Variants in SRGAP3 observed in about 807,000 individuals in gnomAD.
SRGAP3 encodes SLIT-ROBO Rho GTPase-activating protein 3.
A neutral mutation model predicts 121.1 loss-of-function variants in SRGAP3; 39 were observed. The observed-to-expected ratio is 0.32, with a 90% confidence interval of 0.25 to 0.42. SRGAP3 has a LOEUF of 0.42. SRGAP3 is among the 10% of genes least tolerant of loss of function. The pLI, the probability that SRGAP3 is intolerant of heterozygous loss-of-function variation, is 1.00. For missense variants in SRGAP3, 1,213 were observed against 1,470.6 expected, an observed-to-expected ratio of 0.82 and a Z score of 2.86; for synonymous variants, 601 against 570.0, an observed-to-expected ratio of 1.05 and a Z score of -0.77.
At chr3:9,057,441 C>G (rs1231309628) in intron 7 of SRGAP3, among the ~76,000 whole-genome samples, 1 of 152,234 alleles carries the variant, frequency 6.6e-6, no homozygotes, top group East Asian at 1.9e-4. Flanking sequence ...ATCGGGAGGA[C>G]TGAGAGGGAT....
intron 20 of SRGAP3, 67 bp from the exon 21 acceptor site, chr3:8,990,906 G>T: frequency 7.3e-7 from 1 of 1,367,356 alleles, no homozygotes. Context: ...CAGAATGGGT[G>T]AGTCAACCCC....
chr3:9,191,235 G>T (rs1423879870), intron 1 of SRGAP3, among the ~76,000 whole-genome samples: 3 of 152,130 alleles, frequency 2.0e-5, no homozygotes, highest in Admixed American at 1.3e-4. Context: ...TGGTCTCCCG[G>T]ATTATAATGA....
At chr3:9,320,199 C>A (rs73811468) in intron 3 of SRGAP3, among the ~76,000 whole-genome samples, 10 of 151,914 alleles carry the variant, frequency 6.6e-5, no homozygotes, top group Admixed American at 3.3e-4. Context: ...CATGTCCATC[C>A]GGACCATCTC....
At chr3:9,135,709 T>G (rs770243171) in intron 1 of SRGAP3, among the ~76,000 whole-genome samples, 17 of 152,250 alleles carry the variant, frequency 1.1e-4, no homozygotes, top group Admixed American at 2.6e-4. Context: ...GCACATGATG[T>G]GCCAGGCACC....
chr3:9,058,712 CTCTTTTTTT>C (rs1355288447), intron 6 of SRGAP3: 6 of 410,762 alleles, frequency 1.5e-5, no homozygotes, highest in African/African-American at 9.4e-5. Flanking sequence ...CTTTCTCTCT[CTCTTTTTTT>C]TTTTTTTTTT....
intron 1 of SRGAP3, among the ~76,000 whole-genome samples, chr3:9,344,440 G>A (rs1402300909): frequency 6.6e-6 from 1 of 152,072 alleles, no homozygotes; most frequent in African/African-American, 2.4e-5. Context: ...GGGCAACAGA[G>A]ACTCCGTCTC....
intron 9 of SRGAP3, 150 bp from the exon 10 acceptor site, chr3:9,047,625 T>C: frequency 1.3e-6 from 1 of 765,780 alleles, no homozygotes; most frequent in Non-Finnish European, 2.2e-6. Context: ...GGCCTCTGCA[T>C]CTGCGTCTTT....
intron 3 of SRGAP3, among the ~76,000 whole-genome samples, chr3:9,102,862 C>T (rs566215947): frequency 1.1e-4 from 16 of 152,292 alleles, no homozygotes; most frequent in African/African-American, 3.8e-4. Context: ...CCTTCATTTC[C>T]TAAAGGCCTT....
chr3:9,041,650 T>C (rs1224233867), intron 10 of SRGAP3, among the ~76,000 whole-genome samples: 1 of 152,204 alleles, frequency 6.6e-6, no homozygotes, highest in Admixed American at 6.5e-5. Flanking sequence ...ACTCACCAAC[T>C]ACCAGCAGTA....
At chr3:8,991,910 G>A (rs1310723148) in intron 20 of SRGAP3, among the ~76,000 whole-genome samples, 2 of 152,194 alleles carry the variant, frequency 1.3e-5, no homozygotes, top group African/African-American at 2.4e-5. Flanking sequence ...GAACAAAGGA[G>A]GTGAGGGCGG....
chr3:9,074,206 G>A (rs1009061083), intron 4 of SRGAP3, among the ~76,000 whole-genome samples: 1 of 152,146 alleles, frequency 6.6e-6, no homozygotes, highest in Non-Finnish European at 1.5e-5. Context: ...TGGAGATGGG[G>A]AATGGAGAAG....
chr3:9,349,041 A>T (rs1257051246), intron 1 of SRGAP3: 9 of 982,556 alleles, frequency 9.2e-6, no homozygotes, highest in South Asian at 1.3e-5. Flanking sequence ...GGCCTCTCTG[A>T]AGAGGCTATC....
chr3:9,122,154 T>G (rs1161498541), intron 2 of SRGAP3, among the ~76,000 whole-genome samples: 1 of 152,240 alleles, frequency 6.6e-6, no homozygotes. Flanking sequence ...GTTCGATACA[T>G]TATCTTTGTT....
chr3:9,241,001 C>T (rs1158457154), intron 1 of SRGAP3, among the ~76,000 whole-genome samples: 3 of 152,134 alleles, frequency 2.0e-5, no homozygotes, highest in African/African-American at 7.2e-5. Context: ...CACACTTCCC[C>T]CACTGAAGGA....
At chr3:9,176,006 C>A (rs1251438470) in intron 1 of SRGAP3, among the ~76,000 whole-genome samples, 1 of 152,188 alleles carries the variant, frequency 6.6e-6, no homozygotes, top group East Asian at 1.9e-4. Flanking sequence ...ACTGCAAACT[C>A]CGCCTCCTGG....
intron 14 of SRGAP3, among the ~76,000 whole-genome samples, chr3:9,022,105 G>A (rs984039213): frequency 7.2e-5 from 11 of 152,204 alleles, no homozygotes; most frequent in Non-Finnish European, 5.9e-5. Flanking sequence ...GAGGTGGGTG[G>A]ATCACGAGGT....
Position 9,264,182 on chromosome 3 carries a change from A to G in SRGAP3, n.442+61828T>C, listed in dbSNP as rs190794196. On this transcript the variant is annotated intron_variant and non_coding_transcript_variant, in intron 3 of 3. Coordinates refer to the SRGAP3 transcript ENST00000490889. ...ATAAAATTCAACACCCCTTCATGCTAAAAACACTCAATAAACTAGGTATTG... is the reference window on the plus strand; with the variant it reads ...ATAAAATTCAACACCCCTTCATGCTGAAAACACTCAATAAACTAGGTATTG... 8.8e-4 allele frequency among the ~76,000 whole-genome samples: 134 copies of G among 152,330 alleles called. 1 individual carries two copies. The highest frequency in any genetic ancestry group is 3.5e-3 in the Admixed American group (54 of 15,300).
chr3:9,179,239 T>C (rs1951292465), intron 1 of SRGAP3, among the ~76,000 whole-genome samples: 1 of 152,202 alleles, frequency 6.6e-6, no homozygotes, highest in South Asian at 2.1e-4. Flanking sequence ...TGTTTCAATA[T>C]GTTAGGTCGA....
At chr3:9,150,612 C>A (rs1303240770) in intron 1 of SRGAP3, among the ~76,000 whole-genome samples, 1 of 152,216 alleles carries the variant, frequency 6.6e-6, no homozygotes, top group East Asian at 1.9e-4. Flanking sequence ...TGCCACCCAC[C>A]TAAAGCTGCA....
Sources: allele counts gnomAD v4.1 joint callset (sites outside exome capture counted in the v4.1 genomes callset), GRCh38; gene constraint gnomAD v4.1.1; transcripts MANE v1.5; gene names NCBI Gene and HGNC (gene_info 2026-07-23, HGNC 2026-07-21).